DSCAM: variants seen among roughly 807,000 people sequenced by gnomAD.
The protein encoded by DSCAM is cell adhesion molecule DSCAM.
Under a neutral mutation model 217.7 loss-of-function variants are expected in DSCAM, and 47 were observed. The ratio of observed to expected loss-of-function variants is 0.22; its 90% CI spans 0.17 to 0.28. The LOEUF is 0.28. DSCAM is among the 10% of genes least tolerant of loss of function. The probability of loss-of-function intolerance (pLI) is 1.00; values close to 1 mark genes in which losing one functional copy is unlikely to be tolerated. For synonymous variants in DSCAM, 1,056 were observed against 1,015.3 expected, an observed-to-expected ratio of 1.04 and a Z score of -0.76; for missense variants, 2,080 against 2,618.3, an observed-to-expected ratio of 0.79 and a Z score of 4.49.
rs569381429 is a variant in DSCAM at position 40,681,256 on chromosome 21, G to A, written c.508+11554C>T. Among the ~76,000 whole-genome samples the A allele has an allele frequency of 7.9e-5, 12 of 152,314 alleles. No individual in the cohort carries two copies. In the South Asian group the frequency reaches 1.7e-3, roughly 21 times the overall value. On this transcript the variant is annotated intron_variant, in intron 3 of 32. Transcript: ENST00000400454. ...ATGCAGGTGAAGCAGCTTGCCTGCCGCCCCTGTGCTTGGTCCAGGACTGCC... is the reference window on the plus strand; with the variant it reads ...ATGCAGGTGAAGCAGCTTGCCTGCCACCCCTGTGCTTGGTCCAGGACTGCC...
intron 3 of DSCAM, among the ~76,000 whole-genome samples, chr21:40,631,552 C>G (rs2089691615): frequency 6.6e-6 from 1 of 152,202 alleles, no homozygotes; most frequent in African/African-American, 2.4e-5. Context: ...AGTATTGGGT[C>G]TACTCTTTTG....
intron 1 of DSCAM, among the ~76,000 whole-genome samples, chr21:40,795,812 T>G (rs1056736956): frequency 2.0e-5 from 3 of 152,226 alleles, no homozygotes; most frequent in African/African-American, 7.2e-5. Context: ...CAGTTTTCTT[T>G]AACTGCAGAT....
chr21:40,626,483 T>C (rs1458741778), intron 3 of DSCAM, among the ~76,000 whole-genome samples: 1 of 152,200 alleles, frequency 6.6e-6, no homozygotes, highest in Non-Finnish European at 1.5e-5. Flanking sequence ...ATACTCCTTC[T>C]TAGAACTCTT....
chr21:40,373,848 C>A (rs1305965356), intron 3 of DSCAM, among the ~76,000 whole-genome samples: 1 of 152,090 alleles, frequency 6.6e-6, no homozygotes. Context: ...GCTGTGTGGC[C>A]TCAGTCTAGT....
At chr21:40,180,710 T>G (rs540085781) in intron 14 of DSCAM, among the ~76,000 whole-genome samples, 1 of 152,258 alleles carries the variant, frequency 6.6e-6, no homozygotes, top group Non-Finnish European at 1.5e-5. Context: ...CCAGGCAACA[T>G]TGAAGTTTCT....
intron 8 of DSCAM, among the ~76,000 whole-genome samples, chr21:40,332,689 C>T (rs1265797129): frequency 2.0e-5 from 3 of 152,148 alleles, no homozygotes; most frequent in Admixed American, 1.3e-4. Context: ...TTGACTTTTA[C>T]TTCTGCCTAT....
At chr21:40,337,152 G>A (rs1189292412) in intron 8 of DSCAM, among the ~76,000 whole-genome samples, 1 of 152,006 alleles carries the variant, frequency 6.6e-6, no homozygotes, top group African/African-American at 2.4e-5. Flanking sequence ...AAACTCACAG[G>A]GTTGGTGGGA....
chr21:40,123,586 G>A (rs1252361981), intron 20 of DSCAM, among the ~76,000 whole-genome samples: 3 of 152,116 alleles, frequency 2.0e-5, no homozygotes, highest in Admixed American at 6.5e-5. Context: ...TAATATGAAC[G>A]ATAACAAAAA....
chr21:40,702,818 A>G (rs1380653074), intron 2 of DSCAM, among the ~76,000 whole-genome samples: 1 of 152,062 alleles, frequency 6.6e-6, no homozygotes, highest in African/African-American at 2.4e-5. Context: ...GTTTTGTAGT[A>G]TACATTTGTA....
intron 3 of DSCAM, among the ~76,000 whole-genome samples, chr21:40,481,272 A>C (rs1244650601): frequency 6.6e-6 from 1 of 152,050 alleles, no homozygotes; most frequent in Non-Finnish European, 1.5e-5. Flanking sequence ...GACAGATCAC[A>C]AGGTCAGGAG....
In DSCAM at chr21:40,846,654, A is replaced by C; in HGVS notation, c.8T>G (p.Ile3Arg). The part of the protein sequence containing the change: MW[I>R]LALSLFQSFA... The stretch of plus-strand genomic sequence containing the variant: ...GCTCTGGAACAAGGAGAGAGCCAGT[A>C]TCCACATGCCCCTGCCGCTCCCCGG... Residue 3 changes from isoleucine to arginine, a missense_variant, in exon 1 of 33, where the codon ATA (isoleucine) becomes AGA (arginine). By Grantham distance (97) the Ile-to-Arg change is moderately conservative. This residue lies in a region of DSCAM where 568 missense variants were observed against 678.1 expected (regional missense o/e 0.84). Coordinates refer to ENST00000400454, the MANE Select transcript of DSCAM (RefSeq NM_001389.5). The C allele has an allele frequency of 7.9e-7, 1 of 1,260,758 alleles. No individual in the cohort carries two copies. 78.1% of individuals were successfully genotyped at this position (1,260,758 alleles called of 1,614,324 possible).
intron 1 of DSCAM, among the ~76,000 whole-genome samples, chr21:40,733,315 T>G (rs886784353): frequency 6.6e-6 from 1 of 152,218 alleles, no homozygotes. Flanking sequence ...CAGTTTCTTT[T>G]GCGGTTTCAA....
intron 8 of DSCAM, among the ~76,000 whole-genome samples, chr21:40,328,067 C>T (rs2074337060): frequency 6.6e-6 from 1 of 152,030 alleles, no homozygotes; most frequent in Admixed American, 6.6e-5. Flanking sequence ...GCCCATCTTA[C>T]CTGAAGTGAC....
chr21:40,435,615 T>G (rs765296144), intron 3 of DSCAM, among the ~76,000 whole-genome samples: 13 of 152,284 alleles, frequency 8.5e-5, no homozygotes, highest in Non-Finnish European at 1.8e-4. Context: ...CCAATTGCTC[T>G]TGTACTGTTT....
chr21:40,694,618 C>T (rs1360818518), intron 2 of DSCAM, among the ~76,000 whole-genome samples: 1 of 151,874 alleles, frequency 6.6e-6, no homozygotes, highest in Non-Finnish European at 1.5e-5. Context: ...AGAGATTTTT[C>T]CAAGTATTGA....
At chr21:40,378,995 G>T (rs1462455187) in intron 3 of DSCAM, among the ~76,000 whole-genome samples, 1 of 152,126 alleles carries the variant, frequency 6.6e-6, no homozygotes, top group East Asian at 1.9e-4. Flanking sequence ...AGACAGTAAG[G>T]TATATGTACA....
At chr21:40,374,022 C>T (rs964051471) in intron 3 of DSCAM, among the ~76,000 whole-genome samples, 1 of 150,120 alleles carries the variant, frequency 6.7e-6, no homozygotes, top group Non-Finnish European at 1.5e-5. Flanking sequence ...ATAATGTATT[C>T]TATATTTCAA....
At chr21:40,235,814 A>T (rs966525018) in intron 11 of DSCAM, among the ~76,000 whole-genome samples, 6 of 152,156 alleles carry the variant, frequency 3.9e-5, no homozygotes, top group Non-Finnish European at 1.5e-5. Context: ...ACCAACAGCC[A>T]TCATCATTAC....
intron 3 of DSCAM, among the ~76,000 whole-genome samples, chr21:40,428,674 G>A (rs560119303): frequency 6.6e-6 from 1 of 152,072 alleles, no homozygotes; most frequent in Non-Finnish European, 1.5e-5. Flanking sequence ...CTCCAAACAG[G>A]ATATGCAAAT....
Sources: gnomAD v4.1 joint callset for allele counts (sites outside exome capture counted in the v4.1 genomes callset) on GRCh38, gnomAD v4.1.1 for gene constraint, gnomAD v4.1.1 regional missense constraint, MANE v1.5 for transcripts, NCBI Gene and HGNC (gene_info 2026-07-23, HGNC 2026-07-21) for gene names.